MICU1: variants seen among roughly 807,000 people sequenced by gnomAD.
The protein encoded by MICU1 is calcium uptake protein 1, mitochondrial.
A neutral mutation model predicts 56.8 loss-of-function variants in MICU1; 45 were observed. That is an observed-to-expected ratio of 0.79 (90% CI 0.62 to 1.02). MICU1 has a LOEUF of 1.02. MICU1 is among the 50% of genes least tolerant of loss of function. The probability of loss-of-function intolerance (pLI) is 0.00; values close to 1 mark genes in which losing one functional copy is unlikely to be tolerated. For missense variants in MICU1, 504 were observed against 587.1 expected (o/e 0.86, Z 1.46); for synonymous variants, 186 against 195.1 (o/e 0.95, Z 0.39).
rs564831760 is a variant in MICU1 at position 72,545,341 on chromosome 10, G to A, written c.493+5838C>T. On this transcript the variant is annotated intron_variant, in intron 4 of 11. Transcript: ENST00000361114. Reference sequence around the variant, plus strand: ...ATGTGAGGACCATAACCAGTGACACGGCCTCAGGAGGTCCAGAGAATATAT... The same window carrying A: ...ATGTGAGGACCATAACCAGTGACACAGCCTCAGGAGGTCCAGAGAATATAT... Among the ~76,000 whole-genome samples, 35 of 152,194 alleles carry A rather than the reference G, an allele frequency of 2.3e-4. No individual in the cohort carries two copies. In the East Asian group the frequency reaches 2.7e-3, roughly 12 times the overall value.
chr10:72,533,856 G>C, intron 4 of MICU1, 67 bp from the exon 5 acceptor site: 1 of 1,120,248 alleles, frequency 8.9e-7, no homozygotes, highest in Non-Finnish European at 1.3e-6. Context: ...TAAAATGACA[G>C]CTCTTGGTTT....
chr10:72,402,465 C>T (rs1212379759), intron 10 of MICU1, among the ~76,000 whole-genome samples: 3 of 152,106 alleles, frequency 2.0e-5, no homozygotes, highest in Non-Finnish European at 4.4e-5. Context: ...TAAAAACCCA[C>T]TTGTAACTGC....
intron 1 of MICU1, among the ~76,000 whole-genome samples, chr10:72,574,611 G>C (rs1030923049): frequency 1.4e-4 from 22 of 152,226 alleles, no homozygotes; most frequent in African/African-American, 5.1e-4. Context: ...AGGTTTTTGT[G>C]TGGCACAAGC....
chr10:72,382,709 G>A (rs1862756776), intron 10 of MICU1, among the ~76,000 whole-genome samples: 1 of 152,058 alleles, frequency 6.6e-6, no homozygotes, highest in South Asian at 2.1e-4. Context: ...AGGAATTCAA[G>A]ACCAGACTGG....
At chr10:72,420,995 T>G (rs1248086295) in intron 9 of MICU1, among the ~76,000 whole-genome samples, 1 of 101,262 alleles carries the variant, frequency 9.9e-6, no homozygotes, top group Non-Finnish European at 2.0e-5. Flanking sequence ...AGAGCGAAAC[T>G]CCGTCTCAAA....
intron 10 of MICU1, among the ~76,000 whole-genome samples, chr10:72,381,248 C>T (rs1254055695): frequency 6.6e-6 from 1 of 152,188 alleles, no homozygotes; most frequent in Non-Finnish European, 1.5e-5. Context: ...CCTTACCGGA[C>T]TGCAGTGGAG....
In MICU1 at chr10:72,569,234, TATA is replaced by T. The variant is rs1477678369; in HGVS notation, c.-1-2443_-1-2441del. The stretch of plus-strand genomic sequence containing the variant: ...ATATATATATATATATATATATATA[TATA>T]TTTTTTTTTTTTTTTGAGATGGCGT... On this transcript the variant is annotated intron_variant, in intron 1 of 11. Coordinates refer to ENST00000361114, the MANE Select transcript of MICU1 (RefSeq NM_001195518.2). 1.5e-3 allele frequency among the ~76,000 whole-genome samples: 70 copies of T among 47,040 alleles called. 1 individual carries two copies. Among genetic ancestry groups the T allele is most frequent in the South Asian group, 2.5e-3 (3 of 1,196 alleles). 30.9% of individuals were successfully genotyped at this position (47,040 alleles called of 152,430 possible). A position where few individuals can be genotyped will look rare whatever the true frequency, so the allele number is the denominator to read the frequency against.
intron 10 of MICU1, among the ~76,000 whole-genome samples, chr10:72,396,363 G>T (rs968003820): frequency 5.3e-5 from 8 of 151,972 alleles, no homozygotes; most frequent in African/African-American, 1.9e-4. Context: ...ATTCTAAAAA[G>T]CAGAGCGCCT....
intron 4 of MICU1, among the ~76,000 whole-genome samples, chr10:72,547,337 C>A (rs1839921238): frequency 6.6e-6 from 1 of 152,058 alleles, no homozygotes; most frequent in Admixed American, 6.6e-5. Flanking sequence ...CAGTACCCAG[C>A]CAATGCTCTA....
At chr10:72,436,564 G>A (rs1864730182) in intron 8 of MICU1, among the ~76,000 whole-genome samples, 1 of 152,180 alleles carries the variant, frequency 6.6e-6, no homozygotes, top group Non-Finnish European at 1.5e-5. Flanking sequence ...GAATGACTTT[G>A]ACGAGTTGAC....
intron 11 of MICU1, among the ~76,000 whole-genome samples, chr10:72,373,790 A>C (rs1203759177): frequency 6.6e-6 from 1 of 152,218 alleles, no homozygotes; most frequent in Non-Finnish European, 1.5e-5. Flanking sequence ...GTTTTTTGGA[A>C]AAAATTTAAA....
intron 10 of MICU1, among the ~76,000 whole-genome samples, chr10:72,400,597 G>C (rs1863419492): frequency 6.6e-6 from 1 of 151,814 alleles, no homozygotes; most frequent in South Asian, 2.1e-4. Context: ...AATACAAAAA[G>C]TAGCTGGGAG....
chr10:72,412,105 G>A (rs751406140), intron 9 of MICU1, among the ~76,000 whole-genome samples: 1 of 152,180 alleles, frequency 6.6e-6, no homozygotes, highest in Non-Finnish European at 1.5e-5. Flanking sequence ...TCCTTAAAGT[G>A]AAGATGATGT....
In MICU1 at chr10:72,429,706, G is replaced by A. The variant is rs1046734927; in HGVS notation, c.934-6335C>T. 5.9e-5 allele frequency among the ~76,000 whole-genome samples: 9 copies of A among 152,174 alleles called. No homozygotes were observed. In the South Asian group the frequency reaches 1.0e-3, roughly 18 times the overall value. On this transcript the variant is annotated intron_variant, in intron 8 of 11. Coordinates refer to ENST00000361114, the MANE Select transcript of MICU1 (RefSeq NM_001195518.2). ...TATCTAAGGCAAGGAATATCTCTAC[G>A]TTTATCTCTTAATATCTACCTCCAT...
At chr10:72,540,267 C>CAAAAAAAAAAA (rs11287541) in intron 4 of MICU1, among the ~76,000 whole-genome samples, 2 of 85,450 alleles carry the variant, frequency 2.3e-5, no homozygotes, top group African/African-American at 4.5e-5. Flanking sequence ...AACTCCATCT[C>CAAAAAAAAAAA]AAAAAAAAAA....
chr10:72,533,691 A>T, intron 5 of MICU1, 55 bp downstream of exon 5: 1 of 1,332,614 alleles, frequency 7.5e-7, no homozygotes, highest in Non-Finnish European at 1.0e-6. Context: ...AGGAACTTAA[A>T]AATCTTCTTA....
chr10:72,509,929 G>T (rs1461125884), intron 5 of MICU1, among the ~76,000 whole-genome samples: 1 of 152,006 alleles, frequency 6.6e-6, no homozygotes, highest in Non-Finnish European at 1.5e-5. Flanking sequence ...CCAAGATACT[G>T]CAAAGGTAAA....
At chr10:72,576,214 C>CAAA (rs1840738976) in intron 1 of MICU1, among the ~76,000 whole-genome samples, 1 of 8,888 alleles carries the variant, frequency 1.1e-4, no homozygotes, top group Admixed American at 1.2e-3. Context: ...AACTCCGTCT[C>CAAA]AAAAAAACAC....
intron 8 of MICU1, among the ~76,000 whole-genome samples, chr10:72,450,595 A>C (rs3998172): frequency 0.027 from 4,130 of 152,228 alleles, 179 homozygotes; most frequent in African/African-American, 0.095. Flanking sequence ...TCTCACTGCT[A>C]ATCTTAAATC....
Sources: gnomAD v4.1 joint callset for allele counts (sites outside exome capture counted in the v4.1 genomes callset) on GRCh38, gnomAD v4.1.1 for gene constraint, MANE v1.5 for transcripts, NCBI Gene and HGNC (gene_info 2026-07-23, HGNC 2026-07-21) for gene names.